TCF12: variants seen among roughly 807,000 people sequenced by gnomAD.
TCF12 encodes the protein DNA-binding protein HTF4.
In TCF12, 45 loss-of-function variants were observed where a neutral mutation model predicts 86.0. The ratio of observed to expected loss-of-function variants is 0.52; its 90% confidence interval spans 0.41 to 0.67. TCF12 has a LOEUF of 0.67. Ranked by LOEUF, TCF12 falls within the 30% of genes least tolerant of loss-of-function variation. The pLI is 0.00. For synonymous variants in TCF12, 330 were observed against 299.6 expected, an observed-to-expected ratio of 1.10 and a Z score of -1.05; for missense variants, 881 against 859.9, an observed-to-expected ratio of 1.02 and a Z score of -0.31.
At chr15:57,101,098 C>T (rs1249086726) in intron 5 of TCF12, among the ~76,000 whole-genome samples, 2 of 151,880 alleles carry the variant, frequency 1.3e-5, no homozygotes, top group East Asian at 3.9e-4. Flanking sequence ...TCAGCCTTTG[C>T]CTTTCATAAT....
At chr15:56,940,191 T>C (rs1271608737) in intron 3 of TCF12, among the ~76,000 whole-genome samples, 2 of 152,038 alleles carry the variant, frequency 1.3e-5, no homozygotes, top group South Asian at 2.1e-4. Flanking sequence ...GAGGAGAGGT[T>C]ATATAATCTA....
At chr15:57,107,495 A>G (rs1178769633) in intron 5 of TCF12, among the ~76,000 whole-genome samples, 1 of 152,198 alleles carries the variant, frequency 6.6e-6, no homozygotes. Context: ...AGTGGTAGAT[A>G]TATGTCATTA....
intron 6 of TCF12, among the ~76,000 whole-genome samples, chr15:57,169,822 T>C (rs772056205): frequency 7.2e-5 from 11 of 152,216 alleles, no homozygotes; most frequent in Non-Finnish European, 1.2e-4. Context: ...TTGGCAAAGG[T>C]ATTGCTGTTT....
At chr15:56,920,027 G>A (rs1472132892) in intron 2 of TCF12, 39 bp downstream of exon 2, 4 of 1,609,820 alleles carry the variant, frequency 2.5e-6, no homozygotes, top group Non-Finnish European at 3.4e-6. Flanking sequence ...GTTCTGCTGA[G>A]GTTTTTGTTT....
chr15:57,028,366 A>T (rs1362179032), intron 3 of TCF12, among the ~76,000 whole-genome samples: 1 of 139,942 alleles, frequency 7.1e-6, no homozygotes, highest in Non-Finnish European at 1.5e-5. Flanking sequence ...CAGTTGCTCA[A>T]CATTCTCTAT....
At chr15:56,960,006 T>G (rs2061672684) in intron 3 of TCF12, among the ~76,000 whole-genome samples, 2 of 152,150 alleles carry the variant, frequency 1.3e-5, no homozygotes. Context: ...AGTTTTTGCC[T>G]TTTTTAGTTA....
chr15:57,245,837 T>G (rs1454050411), intron 13 of TCF12, among the ~76,000 whole-genome samples: 7 of 152,148 alleles, frequency 4.6e-5, no homozygotes, highest in Non-Finnish European at 8.8e-5. Context: ...CAAAGAAAAA[T>G]ACTTTCACAT....
intron 3 of TCF12, among the ~76,000 whole-genome samples, chr15:56,973,029 T>C (rs763605238): frequency 6.6e-6 from 1 of 152,046 alleles, no homozygotes; most frequent in Non-Finnish European, 1.5e-5. Flanking sequence ...AGCAAATAGG[T>C]AAATATTTTA....
intron 3 of TCF12, among the ~76,000 whole-genome samples, chr15:56,928,155 T>C (rs368979742): frequency 2.6e-5 from 4 of 152,256 alleles, no homozygotes; most frequent in African/African-American, 9.6e-5. Context: ...TGGCCTTAGG[T>C]GAGATATTTA....
intron 6 of TCF12, among the ~76,000 whole-genome samples, chr15:57,183,742 A>G (rs1332810070): frequency 2.0e-5 from 3 of 152,074 alleles, no homozygotes; most frequent in African/African-American, 7.2e-5. Context: ...GTACACTTTT[A>G]TTTTTAGGCC....
intron 3 of TCF12, among the ~76,000 whole-genome samples, chr15:56,946,783 G>C (rs1221416108): frequency 6.9e-6 from 1 of 144,004 alleles, no homozygotes; most frequent in Admixed American, 6.9e-5. Context: ...GCTTTTGTGA[G>C]TGAGTCTAAA....
chr15:57,046,350 G>C (rs2067231930), intron 3 of TCF12, among the ~76,000 whole-genome samples: 1 of 152,174 alleles, frequency 6.6e-6, no homozygotes, highest in South Asian at 2.1e-4. Context: ...TACTTTCTTT[G>C]TTGACTTGAA....
chr15:57,187,243 A>C (rs1312347587), intron 6 of TCF12, among the ~76,000 whole-genome samples: 2 of 152,180 alleles, frequency 1.3e-5, no homozygotes, highest in African/African-American at 2.4e-5. Flanking sequence ...ACAAGCTAGA[A>C]ATAGGAGGGA....
chr15:57,136,411 G>A (rs2052523821), intron 5 of TCF12, among the ~76,000 whole-genome samples: 1 of 152,126 alleles, frequency 6.6e-6, no homozygotes. Flanking sequence ...TGAAGTCACA[G>A]TGGCCTGTCA....
At chr15:57,227,385 A>G (rs1277484279) in intron 8 of TCF12, among the ~76,000 whole-genome samples, 1 of 152,150 alleles carries the variant, frequency 6.6e-6, no homozygotes, top group Non-Finnish European at 1.5e-5. Flanking sequence ...ATTTGGGGTT[A>G]TCCATATGAC....
chr15:57,238,498 C>T (rs998696786), intron 12 of TCF12, among the ~76,000 whole-genome samples: 1 of 152,154 alleles, frequency 6.6e-6, no homozygotes, highest in Non-Finnish European at 1.5e-5. Flanking sequence ...AGTGAAACCT[C>T]ACCATATGAT....
intron 4 of TCF12, among the ~76,000 whole-genome samples, 166 bp downstream of exon 4, chr15:57,063,989 C>G (rs1217526780): frequency 6.6e-6 from 1 of 152,154 alleles, no homozygotes; most frequent in Non-Finnish European, 1.5e-5. Context: ...TATAAGCTGT[C>G]AAACTTTGGA....
At chr15:57,052,306 G>T (rs2067685823) in intron 3 of TCF12, among the ~76,000 whole-genome samples, 2 of 152,078 alleles carry the variant, frequency 1.3e-5, no homozygotes, top group Admixed American at 6.5e-5. Context: ...GCAATGTCAT[G>T]CCCTTTACCA....
At chr15:57,141,589 T>G (rs2052970638) in intron 5 of TCF12, among the ~76,000 whole-genome samples, 1 of 152,222 alleles carries the variant, frequency 6.6e-6, no homozygotes, top group Non-Finnish European at 1.5e-5. Context: ...CCTCACGTGA[T>G]CCGCCCACCT....
Sources: allele counts gnomAD v4.1 joint callset (sites outside exome capture counted in the v4.1 genomes callset), GRCh38; gene constraint gnomAD v4.1.1; transcripts MANE v1.5; gene names NCBI Gene and HGNC (gene_info 2026-07-23, HGNC 2026-07-21).